The following LRRC17 variants were observed in gnomAD, a reference collection of about 807,000 sequenced individuals.
LRRC17 encodes the protein leucine-rich repeat-containing protein 17.
LRRC17 carries 33 observed loss-of-function variants against 41.5 expected under a neutral mutation model. The ratio of observed to expected loss-of-function variants is 0.80; its 90% CI spans 0.60 to 1.06. The LOEUF (loss-of-function observed/expected upper bound fraction) is 1.06, where lower values mean the gene tolerates loss of function less well. Ranked by LOEUF, LRRC17 falls within the 50% of genes least tolerant of loss-of-function variation. LRRC17 has a pLI of 0.00. For missense variants in LRRC17, 491 were observed against 519.3 expected, an observed-to-expected ratio of 0.95 and a Z score of 0.53; for synonymous variants, 192 against 197.0, an observed-to-expected ratio of 0.97 and a Z score of 0.21.
chr7:102,916,674 A>G (rs940875410), intron 1 of LRRC17, among the ~76,000 whole-genome samples: 1 of 152,188 alleles, frequency 6.6e-6, no homozygotes, highest in East Asian at 1.9e-4. Context: ...CTACATGAGT[A>G]AGATCTGATT....
At chr7:102,922,910 GGAGCTTGCAGT>G (rs1563095946) in intron 1 of LRRC17, among the ~76,000 whole-genome samples, 1 of 152,070 alleles carries the variant, frequency 6.6e-6, no homozygotes, top group Non-Finnish European at 1.5e-5. Flanking sequence ...CCCGGGAGGC[GGAGCTTGCAGT>G]GAGCTGAGAT....
chr7:102,935,237 T>C (rs1820067098), intron 2 of LRRC17, among the ~76,000 whole-genome samples: 1 of 127,206 alleles, frequency 7.9e-6, no homozygotes. Context: ...TTTTTTTTTT[T>C]CTTTCTTTTT....
Position 102,934,037 on chromosome 7 carries a change from TC to T in LRRC17, c.126del (p.Asn43ThrfsTer23). On this transcript the variant is annotated frameshift_variant, in exon 2 of 4. Transcript: ENST00000339431. LOFTEE classifies it high-confidence loss of function. ...HGRAGGGRRG[S>X]NPVKRYAPGL... ...CCGGGCGGGTGGAGGCCGGAGAGGC[TC>T]CAACCCGGTCAAACGCTACGCACCA... 1.2e-6 allele frequency: 2 copies of T among 1,614,034 alleles called. No homozygotes were observed. Among genetic ancestry groups the T allele is most frequent in the Non-Finnish European group, 8.5e-7 (1 of 1,179,952 alleles).
chr7:102,922,754 C>T (rs1446460012), intron 1 of LRRC17, among the ~76,000 whole-genome samples: 1 of 151,848 alleles, frequency 6.6e-6, no homozygotes, highest in Non-Finnish European at 1.5e-5. Context: ...GGGCGGATCA[C>T]GAGGTCAGGA....
chr7:102,921,288 T>TA (rs1402106023), intron 1 of LRRC17, among the ~76,000 whole-genome samples: 53 of 152,338 alleles, frequency 3.5e-4, no homozygotes, highest in African/African-American at 1.2e-3. Context: ...AACATCAAAA[T>TA]AAAGAGAAGC....
chr7:102,945,071 A>G lies in LRRC17; in HGVS notation c.*464A>G, dbSNP rs886401604. The G allele has an allele frequency of 6.5e-6, 1 of 152,818 alleles. No homozygotes were observed. Among genetic ancestry groups the G allele is most frequent in the African/African-American group, 2.4e-5 (1 of 41,466 alleles). The allele number at this position is 152,818 out of a possible 1,614,324, so 9.5% of individuals were successfully genotyped here. A position where few individuals can be genotyped will look rare whatever the true frequency, so the allele number is the denominator to read the frequency against. On this transcript the variant is annotated 3_prime_UTR_variant, in exon 4 of 4. Transcript: ENST00000339431. ...TTTTTTTCAGTAAGTCATCTTATAC[A>G]TTAAATAAATTTCCATTTCTGATTT...
chr7:102,934,822 G>T, intron 2 of LRRC17, 137 bp downstream of exon 2: 1 of 829,668 alleles, frequency 1.2e-6, no homozygotes, highest in Non-Finnish European at 1.8e-6. Context: ...ATTGACAATG[G>T]AATTTACCAC....
At position 102,944,404 on chromosome 7, in the gene LRRC17, G is replaced by A. The variant is rs775766727; in HGVS notation, c.1123G>A (p.Gly375Ser). The change falls in exon 4 of 4, where the codon GGC becomes AGC. Residue 375 changes from glycine to serine, a missense_variant. Gly to Ser is a moderately conservative substitution (Grantham distance 56). Transcript: ENST00000339431. Reference sequence around the variant, plus strand: ...GCACCACTACAATGTCCATTTTAATGGCCTGGAATGCAAAACGCCTGAAGA... The same window carrying A: ...GCACCACTACAATGTCCATTTTAATAGCCTGGAATGCAAAACGCCTGAAGA... ...LKHHYNVHFN[G>S]LECKTPEEYK... is the part of the protein sequence containing the mutation. The A allele has an allele frequency of 6.2e-7, 1 of 1,613,988 alleles. No homozygotes were observed. Among genetic ancestry groups the A allele is most frequent in the Middle Eastern group, 1.6e-4 (1 of 6,062 alleles).
At chr7:102,936,948 A>G (rs1820441004) in intron 2 of LRRC17, among the ~76,000 whole-genome samples, 1 of 152,046 alleles carries the variant, frequency 6.6e-6, no homozygotes, top group Non-Finnish European at 1.5e-5. Flanking sequence ...TTTTCTCTTG[A>G]AAAACATCAG....
In LRRC17 at chr7:102,941,527, A is replaced by G. The variant is rs190000656; in HGVS notation, c.928+1942A>G. On this transcript the variant is annotated intron_variant, in intron 3 of 3. Coordinates refer to ENST00000339431, the MANE Select transcript of LRRC17 (RefSeq NM_001031692.3). ...CTCCCGCACAGCCAGCTCTGCATGA[A>G]TTACTCTTTCTCCATTGCAATTCCC... 4.6e-5 allele frequency among the ~76,000 whole-genome samples: 7 copies of G among 152,280 alleles called. No homozygotes were observed. In the East Asian group the frequency reaches 1.4e-3, roughly 29 times the overall value.
At chr7:102,936,561 A>C (rs1161433129) in intron 2 of LRRC17, among the ~76,000 whole-genome samples, 3 of 152,226 alleles carry the variant, frequency 2.0e-5, no homozygotes, top group Admixed American at 2.0e-4. Flanking sequence ...GCTGAAGAGC[A>C]TGTTTATTAG....
rs527380680 is a variant in LRRC17 at position 102,940,295 on chromosome 7, C to T, written c.928+710C>T. ...TGCAATCTCGGCTCACTGCAAGCTCCGCCTCCCAGGTTCACGCCATTCTCC... is the reference window on the plus strand; with the variant it reads ...TGCAATCTCGGCTCACTGCAAGCTCTGCCTCCCAGGTTCACGCCATTCTCC... On this transcript the variant is annotated intron_variant, in intron 3 of 3. Coordinates refer to ENST00000339431, the MANE Select transcript of LRRC17 (RefSeq NM_001031692.3). 1.0e-3 allele frequency among the ~76,000 whole-genome samples: 150 copies of T among 150,200 alleles called. 2 individuals are homozygous for T. Among genetic ancestry groups the T allele is most frequent in the African/African-American group, 3.4e-3 (141 of 40,872 alleles).
intron 3 of LRRC17, chr7:102,942,310 G>A: frequency 6.3e-7 from 1 of 1,597,642 alleles, no homozygotes; most frequent in Non-Finnish European, 8.5e-7. Context: ...ATGAAACCCT[G>A]CAAGTAGACT....
At chr7:102,939,683 C>T in intron 3 of LRRC17, 98 bp downstream of exon 3, 2 of 1,080,588 alleles carry the variant, frequency 1.9e-6, no homozygotes, top group Non-Finnish European at 2.6e-6. Context: ...TTAAAAGTAA[C>T]TGAACTAAAT....
intron 1 of LRRC17, among the ~76,000 whole-genome samples, chr7:102,924,641 C>CTTTT (rs71106699): frequency 2.5e-5 from 3 of 121,042 alleles, no homozygotes; most frequent in Non-Finnish European, 1.7e-5. Context: ...GTAAGCTTTT[C>CTTTT]TTTTTTTTTT....
intron 1 of LRRC17, among the ~76,000 whole-genome samples, chr7:102,929,774 C>A (rs927232085): frequency 3.3e-5 from 5 of 151,572 alleles, no homozygotes; most frequent in Non-Finnish European, 7.4e-5. Flanking sequence ...TGTTGATGGG[C>A]ATGGGTTCTG....
chr7:102,943,914 C>T (rs770975963), intron 3 of LRRC17, among the ~76,000 whole-genome samples: 26 of 152,198 alleles, frequency 1.7e-4, no homozygotes, highest in Non-Finnish European at 3.1e-4. Flanking sequence ...GTTAGGACCC[C>T]ACCTTCCCAC....
chr7:102,934,219 C>G lies in LRRC17; in HGVS notation c.306C>G (p.Ser102=). 6.2e-7 allele frequency: 1 copy of G among 1,614,150 alleles called. No homozygotes were observed. The highest frequency in any genetic ancestry group is 8.5e-7 in the Non-Finnish European group (1 of 1,180,010). ...KIRTLKNNMF[S]KFKKLKSLDL... ...GCACATTGAAGAACAACATGTTTTCCAAGTTTAAAAAGCTGAAAAGCCTGG... is the reference window on the plus strand; with the variant it reads ...GCACATTGAAGAACAACATGTTTTCGAAGTTTAAAAAGCTGAAAAGCCTGG... Residue 102 remains serine, a synonymous_variant, in exon 2 of 4, where the codon TCC becomes TCG. Coordinates refer to ENST00000339431, the MANE Select transcript of LRRC17 (RefSeq NM_001031692.3).
At chr7:102,938,668 G>A (rs1224911020) in intron 2 of LRRC17, among the ~76,000 whole-genome samples, 5 of 152,118 alleles carry the variant, frequency 3.3e-5, no homozygotes, top group Non-Finnish European at 7.4e-5. Context: ...CTTCTGGTCT[G>A]GGGAAATGTA....
Sources: gnomAD v4.1 joint callset for allele counts (sites outside exome capture counted in the v4.1 genomes callset) on GRCh38, gnomAD v4.1.1 for gene constraint, MANE v1.5 for transcripts, NCBI Gene and HGNC (gene_info 2026-07-23, HGNC 2026-07-21) for gene names.